CIB1: variants seen among roughly 807,000 people sequenced by gnomAD.
CIB1 encodes the protein calcium and integrin-binding protein 1.
CIB1 carries 19 observed loss-of-function variants against 25.0 expected under a neutral mutation model. That is an observed-to-expected ratio of 0.76 (90% confidence interval 0.53 to 1.12). The LOEUF is 1.12. CIB1 is among the 50% of genes most tolerant of loss of function. The probability of loss-of-function intolerance (pLI) is 0.00; values close to 1 mark genes in which losing one functional copy is unlikely to be tolerated. For synonymous variants in CIB1, 104 were observed against 98.5 expected (o/e 1.06, Z -0.33); for missense variants, 236 against 242.6 (o/e 0.97, Z 0.18).
chr15:90,241,101 T>C, the CIB1 span: 1 of 1,614,182 alleles, frequency 6.2e-7, no homozygotes. Context: ...TGCACTCTGC[T>C]CTGCCTGGAA....
At chr15:90,233,472 G>A (rs1004984175) in intron 2 of CIB1, among the ~76,000 whole-genome samples, 197 bp downstream of exon 2, 1 of 152,366 alleles carries the variant, frequency 6.6e-6, no homozygotes, top group African/African-American at 2.4e-5. Context: ...TGGCTCCGCG[G>A]TGCCACGCTG....
At chr15:90,231,585 C>T in intron 3 of CIB1, 78 bp from the exon 4 acceptor site, 1 of 1,536,236 alleles carries the variant, frequency 6.5e-7, no homozygotes. Context: ...GAGAGCAGGT[C>T]ACAGGACCAG....
chr15:90,241,261 C>G, the CIB1 span: 6 of 1,614,166 alleles, frequency 3.7e-6, no homozygotes, highest in East Asian at 2.2e-5. Flanking sequence ...GTGAGGCAGG[C>G]ATTTGACCCT....
the CIB1 span, chr15:90,256,397 C>G: frequency 6.9e-7 from 1 of 1,451,980 alleles, no homozygotes; most frequent in African/African-American, 1.4e-5. Context: ...TAGGCTTCTA[C>G]CCTTCCCACT....
chr15:90,241,786 G>A, the CIB1 span: 193 of 1,614,192 alleles, frequency 1.2e-4, 1 homozygote, highest in South Asian at 1.4e-3. Flanking sequence ...TTTGTCACCC[G>A]GGGAGCTCCG....
At chr15:90,262,577 G>C in the CIB1 span, 1 of 1,534,920 alleles carries the variant, frequency 6.5e-7, no homozygotes, top group Non-Finnish European at 8.7e-7. Flanking sequence ...CCAGAACCAG[G>C]GTGAATCAGC....
the CIB1 span, among the ~76,000 whole-genome samples, chr15:90,250,179 C>T: frequency 0.016 from 2,397 of 152,062 alleles, 29 homozygotes; most frequent in Non-Finnish European, 0.023. Flanking sequence ...GGCTGCTCTC[C>T]AACTCCAGAC....
At chr15:90,257,899 TAAC>T in the CIB1 span, 1 of 948,376 alleles carries the variant, frequency 1.1e-6, no homozygotes. Context: ...CTCACCCTGA[TAAC>T]TAGTCCCTGC....
At chr15:90,257,090 G>A in the CIB1 span, 1 of 1,569,700 alleles carries the variant, frequency 6.4e-7, no homozygotes, top group Non-Finnish European at 8.7e-7. Context: ...GCACATAGTA[G>A]GCACTTCAAA....
At chr15:90,241,161 A>ACC in the CIB1 span, 1 of 1,613,982 alleles carries the variant, frequency 6.2e-7, no homozygotes, top group East Asian at 2.2e-5. Context: ...GGAGCTACAG[A>ACC]CCCAAATCCT....
At chr15:90,263,056 ACT>A in the CIB1 span, 1 of 1,535,928 alleles carries the variant, frequency 6.5e-7, no homozygotes, top group South Asian at 1.2e-5. Flanking sequence ...ACAAAGGGAG[ACT>A]CTCATCCGAA....
chr15:90,261,542 C>A, the CIB1 span, among the ~76,000 whole-genome samples: 9 of 152,084 alleles, frequency 5.9e-5, no homozygotes, highest in African/African-American at 1.9e-4. Flanking sequence ...CCTATAATCC[C>A]AGCACTTTGG....
the CIB1 span, chr15:90,257,067 A>G: frequency 7.2e-7 from 1 of 1,396,574 alleles, no homozygotes; most frequent in Non-Finnish European, 9.8e-7. Flanking sequence ...ATGTGTGTGA[A>G]GCACTTAGAA....
chr15:90,250,794 C>A, the CIB1 span: 1 of 1,614,192 alleles, frequency 6.2e-7, no homozygotes, highest in Non-Finnish European at 8.5e-7. Flanking sequence ...GTTCCCTCAC[C>A]CATTATGGCC....
At chr15:90,263,050 A>C in the CIB1 span, 6 of 1,536,128 alleles carry the variant, frequency 3.9e-6, no homozygotes, top group Non-Finnish European at 5.2e-6. Flanking sequence ...CCTGCTACAA[A>C]GGGAGACTCT....
the CIB1 span, among the ~76,000 whole-genome samples, chr15:90,246,786 TCAAAAAAAAAAAAAAAAA>T: frequency 4.3e-5 from 1 of 23,084 alleles, no homozygotes; most frequent in Admixed American, 6.3e-4. Context: ...AGACTCTGTC[TCAAAAAAAAAAAAAAAAA>T]AAAAAAAAAA....
the CIB1 span, chr15:90,258,262 T>C: frequency 6.2e-7 from 1 of 1,614,142 alleles, no homozygotes; most frequent in Non-Finnish European, 8.5e-7. Flanking sequence ...AAGCCCTGGC[T>C]GCTAGAGGTG....
the CIB1 span, among the ~76,000 whole-genome samples, chr15:90,240,149 G>A: frequency 6.6e-6 from 1 of 151,924 alleles, no homozygotes; most frequent in Non-Finnish European, 1.5e-5. Flanking sequence ...CTTGAACCTG[G>A]GAGGTAGAGG....
At chr15:90,265,406 G>C in the CIB1 span, 1 of 1,267,650 alleles carries the variant, frequency 7.9e-7, no homozygotes. Context: ...GGCAGGCCTG[G>C]GCAGCCGCTG....
Sources: allele counts gnomAD v4.1 joint callset (sites outside exome capture counted in the v4.1 genomes callset), GRCh38; gene constraint gnomAD v4.1.1; transcripts MANE v1.5; gene names NCBI Gene and HGNC (gene_info 2026-07-23, HGNC 2026-07-21).